Variants in CYP11A1 observed in about 807,000 individuals in gnomAD.
The protein encoded by CYP11A1 is cytochrome P450 family 11 subfamily A member 1, also known as cholesterol side-chain cleavage enzyme, mitochondrial.
Under a neutral mutation model 51.9 loss-of-function variants are expected in CYP11A1, and 25 were observed. The ratio of observed to expected loss-of-function variants is 0.48; its 90% confidence interval spans 0.35 to 0.67. The LOEUF (loss-of-function observed/expected upper bound fraction) is 0.67, where lower values mean the gene tolerates loss of function less well. Ranked by LOEUF, CYP11A1 falls within the 30% of genes least tolerant of loss-of-function variation. CYP11A1 has a pLI of 0.00. For missense variants in CYP11A1, 578 were observed against 680.9 expected, an observed-to-expected ratio of 0.85 and a Z score of 1.68; for synonymous variants, 245 against 262.1, an observed-to-expected ratio of 0.93 and a Z score of 0.63.
At chr15:74,348,211 T>C (rs1055065801) in intron 1 of CYP11A1, 156 bp from the exon 2 acceptor site, 2 of 738,946 alleles carry the variant, frequency 2.7e-6, no homozygotes, top group African/African-American at 3.5e-5. Flanking sequence ...TTCTGTAAAA[T>C]GGAGACAAAT....
intron 5 of CYP11A1, among the ~76,000 whole-genome samples, chr15:74,342,175 C>G (rs993799335): frequency 2.6e-5 from 4 of 152,080 alleles, no homozygotes; most frequent in Non-Finnish European, 5.9e-5. Context: ...CTCTGCCTCA[C>G]GGGTTCAAGC....
intron 1 of CYP11A1, among the ~76,000 whole-genome samples, chr15:74,355,131 T>C (rs936273924): frequency 8.2e-6 from 1 of 122,502 alleles, no homozygotes; most frequent in African/African-American, 3.2e-5. Context: ...TCTCTGGGCT[T>C]ACCTCCTTCA....
intron 1 of CYP11A1, chr15:74,366,987 A>G: frequency 2.7e-6 from 1 of 376,560 alleles, no homozygotes; most frequent in Non-Finnish European, 5.0e-6. Context: ...AAGTGCTGGG[A>G]TTATGGGTGT....
chr15:74,349,413 C>T (rs1051571686), intron 1 of CYP11A1, among the ~76,000 whole-genome samples: 5 of 152,200 alleles, frequency 3.3e-5, no homozygotes, highest in African/African-American at 9.7e-5. Context: ...TCTCTCCTCT[C>T]ATAGTGCTGC....
intron 1 of CYP11A1, chr15:74,365,984 G>A: frequency 1.0e-6 from 1 of 983,282 alleles, no homozygotes; most frequent in Non-Finnish European, 1.2e-6. Context: ...GACCTGCGGT[G>A]GGGCCGCCGC....
chr15:74,361,160 G>C (rs1230074456), intron 1 of CYP11A1, among the ~76,000 whole-genome samples: 1 of 152,136 alleles, frequency 6.6e-6, no homozygotes, highest in Admixed American at 6.5e-5. Context: ...ATGAATCAGA[G>C]GGCCCCTGAA....
chr15:74,356,172 C>G (rs2060678893), intron 1 of CYP11A1: 1 of 152,260 alleles, frequency 6.6e-6, no homozygotes, highest in South Asian at 2.1e-4. Flanking sequence ...CCAGGCATTC[C>G]TCCAGGACCA....
At position 74,348,001 on chromosome 15, in the gene CYP11A1, G is replaced by A; in HGVS notation, c.324C>T (p.Ala108=). 1.2e-6 allele frequency: 2 copies of A among 1,614,200 alleles called. No homozygotes were observed. Among genetic ancestry groups the A allele is most frequent in the African/African-American group, 1.3e-5 (1 of 75,048 alleles). Residue 108 remains alanine, a synonymous_variant, in exon 2 of 9, where the codon GCC becomes GCT. Transcript: ENST00000268053. ...TGGGGCCCTCGGACTTAAAGAGAAG[G>A]GCCACATCTTCAGGGTCGATGACAT... is the stretch of plus-strand genomic sequence containing the variant. ...SVYVIDPEDV[A]LLFKSEGPNP... is the part of the protein sequence containing the mutation.
intron 1 of CYP11A1, among the ~76,000 whole-genome samples, chr15:74,358,059 G>A (rs908377125): frequency 5.9e-5 from 9 of 152,184 alleles, no homozygotes; most frequent in Admixed American, 3.3e-4. Flanking sequence ...TGGGCTGAAA[G>A]AGGTCTCCTC....
Position 74,347,943 on chromosome 15 carries a change from C to A in CYP11A1, c.382G>T (p.Ala128Ser). 1.2e-6 allele frequency: 2 copies of A among 1,614,140 alleles called. No homozygotes were observed. Among genetic ancestry groups the A allele is most frequent in the Non-Finnish European group, 1.7e-6 (2 of 1,180,012 alleles). Residue 128 changes from alanine to serine, a missense_variant, in exon 2 of 9, where the codon GCC (alanine) becomes TCC (serine). Transcript: ENST00000268053. Reference sequence around the variant, plus strand: ...GGTCTCTGGTAATACTGGTGATAGGCGACCCAGGGCGGGATGAGGAATCGT... The same window carrying A: ...GGTCTCTGGTAATACTGGTGATAGGAGACCCAGGGCGGGATGAGGAATCGT... Reference protein sequence around the residue: ...PERFLIPPWVAYHQYYQRPIG... With the variant: ...PERFLIPPWVSYHQYYQRPIG...
At chr15:74,360,161 T>C (rs1313081813) in intron 1 of CYP11A1, among the ~76,000 whole-genome samples, 1 of 152,242 alleles carries the variant, frequency 6.6e-6, no homozygotes, top group Non-Finnish European at 1.5e-5. Flanking sequence ...TTGAAAATTG[T>C]TTAACTTGCC....
At chr15:74,364,795 CG>C (rs1290634517) in intron 1 of CYP11A1, among the ~76,000 whole-genome samples, 2 of 152,092 alleles carry the variant, frequency 1.3e-5, no homozygotes, top group African/African-American at 4.8e-5. Flanking sequence ...GAAGTGAGCA[CG>C]GGACAGAAGC....
At chr15:74,358,390 C>A (rs1282818408) in intron 1 of CYP11A1, among the ~76,000 whole-genome samples, 1 of 152,190 alleles carries the variant, frequency 6.6e-6, no homozygotes, top group Non-Finnish European at 1.5e-5. Context: ...GCCTCACAGG[C>A]CCATTCTATT....
At chr15:74,360,731 C>T (rs2141245239) in intron 1 of CYP11A1, among the ~76,000 whole-genome samples, 1 of 152,028 alleles carries the variant, frequency 6.6e-6, no homozygotes, top group East Asian at 1.9e-4. Flanking sequence ...GGTGAAACCC[C>T]CATCTCTAGT....
At position 74,345,364 on chromosome 15, in the gene CYP11A1, AC is replaced by A; in HGVS notation, c.426-122del. On this transcript the variant is annotated intron_variant, in intron 2 of 8. Coordinates refer to ENST00000268053, the MANE Select transcript of CYP11A1 (RefSeq NM_000781.3). The surrounding 1 kb of genome is among the most constrained non-coding windows in gnomAD (Gnocchi z 4.3). ...ACAGCTCACAGCATCCAGCACTCCC[AC>A]CAGGGCCTCTGCCCTCACCTCTCCG... is the stretch of plus-strand genomic sequence containing the variant. 9.6e-7 allele frequency: 1 copy of A among 1,037,756 alleles called. No individual in the cohort carries two copies. Among genetic ancestry groups the A allele is most frequent in the Non-Finnish European group, 1.5e-6 (1 of 679,896 alleles). The allele number at this position is 1,037,756 out of a possible 1,614,324, so 64.3% of individuals were successfully genotyped here.
chr15:74,337,864 G>T lies in CYP11A1; in HGVS notation c.*108C>A. ...AGAACCCATTCAACCTGCTGAGCAG[G>T]CTGGGCAGAAAGGAGCAGGACTTGG... On this transcript the variant is annotated 3_prime_UTR_variant, in exon 9 of 9. Transcript: ENST00000268053. 6.8e-7 allele frequency: 1 copy of T among 1,481,234 alleles called. No homozygotes were observed. The highest frequency in any genetic ancestry group is 9.3e-7 in the Non-Finnish European group (1 of 1,072,270). The allele number at this position is 1,481,234 out of a possible 1,614,324, so 91.8% of individuals were successfully genotyped here.
chr15:74,367,553 G>T lies in CYP11A1; in HGVS notation c.33C>A (p.Val11=). MLAKGLPPRS[V]LVKGCQTFLS... ...GAAAGGTCTGGCAGCCTTTGACCAG[G>T]ACTGAGCGTGGGGGAAGACCCTTGG... Residue 11 remains valine (V), a synonymous_variant, in exon 1 of 9, where the codon GTC becomes GTA. Transcript: ENST00000268053. The T allele has an allele frequency of 6.2e-7, 1 of 1,614,126 alleles. No homozygotes were observed. Among genetic ancestry groups the T allele is most frequent in the Non-Finnish European group, 8.5e-7 (1 of 1,180,018 alleles).
chr15:74,339,850 C>T (rs1447826274), intron 5 of CYP11A1, 97 bp from the exon 6 acceptor site: 1 of 1,184,804 alleles, frequency 8.4e-7, no homozygotes, highest in East Asian at 2.4e-5. Context: ...TTTCCAAGAA[C>T]CTCTTTCTCC....
chr15:74,339,367 C>T (rs763197214), intron 6 of CYP11A1, 52 bp from the exon 7 acceptor site: 18 of 1,571,660 alleles, frequency 1.1e-5, no homozygotes, highest in African/African-American at 1.1e-4. Context: ...TGGACACAGC[C>T]GCCGGAGCCC....
Sources: allele counts gnomAD v4.1 joint callset (sites outside exome capture counted in the v4.1 genomes callset), GRCh38; gene constraint gnomAD v4.1.1; non-coding constraint Gnocchi (gnomAD v3.1); transcripts MANE v1.5; gene names NCBI Gene and HGNC (gene_info 2026-07-23, HGNC 2026-07-21).